The following LGR5 variants were observed in gnomAD, a reference collection of about 807,000 sequenced individuals.
LGR5 encodes leucine rich repeat containing G protein-coupled receptor 5, also known as leucine-rich repeat-containing G protein-coupled receptor 5.
LGR5 carries 54 observed loss-of-function variants against 76.7 expected under a neutral mutation model. The ratio of observed to expected loss-of-function variants is 0.70; its 90% CI spans 0.57 to 0.88. LGR5 has a LOEUF of 0.88. Among genes scored for constraint, LGR5 ranks in the 40% least tolerant of loss-of-function variants. The pLI is 0.00. For missense variants in LGR5, 1,078 were observed against 1,073.3 expected (o/e 1.00, Z -0.06); for synonymous variants, 406 against 421.9 (o/e 0.96, Z 0.46).
chr12:71,451,739 T>C (rs1375173368), intron 1 of LGR5, among the ~76,000 whole-genome samples: 1 of 152,200 alleles, frequency 6.6e-6, no homozygotes, highest in Admixed American at 6.5e-5. Context: ...TCTTGTATAT[T>C]GACCATGTTT....
At chr12:71,552,367 C>A (rs1317684346) in intron 4 of LGR5, among the ~76,000 whole-genome samples, 1 of 152,076 alleles carries the variant, frequency 6.6e-6, no homozygotes, top group Non-Finnish European at 1.5e-5. Context: ...GAGTTCGAGA[C>A]CAACCTGGCC....
chr12:71,476,528 G>T (rs193271767), intron 1 of LGR5, among the ~76,000 whole-genome samples: 1 of 152,320 alleles, frequency 6.6e-6, no homozygotes, highest in East Asian at 1.9e-4. Context: ...AGTGGTACCA[G>T]TGGAGCCCTG....
intron 2 of LGR5, among the ~76,000 whole-genome samples, chr12:71,522,606 G>T (rs1253991825): frequency 6.6e-6 from 1 of 151,880 alleles, no homozygotes; most frequent in Admixed American, 6.6e-5. Flanking sequence ...TCTGCTGTTT[G>T]TCTACTCTAT....
In LGR5 at chr12:71,481,505, A is replaced by G. The variant is rs750987921; in HGVS notation, c.213-23109A>G. Among the ~76,000 whole-genome samples, 5 of 152,202 alleles carry G rather than the reference A, an allele frequency of 3.3e-5. No homozygotes were observed. The South Asian group carries it at 1.0e-3, about 32-fold the overall frequency. ...TTTATTCAGTCTATCATTGATGGGC[A>G]TGTGGGTTGGTTCCAAGTCTTTGTT... On this transcript the variant is annotated intron_variant, in intron 1 of 17. Coordinates refer to ENST00000266674, the MANE Select transcript of LGR5 (RefSeq NM_003667.4).
chr12:71,541,596 A>T (rs1197554037), intron 4 of LGR5, among the ~76,000 whole-genome samples: 3 of 152,368 alleles, frequency 2.0e-5, no homozygotes, highest in South Asian at 4.1e-4. Flanking sequence ...TATTGCAAAG[A>T]CAAAATCAGA....
Position 71,566,395 on chromosome 12 carries a change from T to G in LGR5, c.858-9T>G, listed in dbSNP as rs774838206. On this transcript the variant is annotated splice_polypyrimidine_tract_variant and intron_variant, in intron 8 of 17. Transcript: ENST00000266674. ...CTAAGATATTAATTGCTGTTTGGGT[T>G]TCTTTTAGACATTTCTATGACAATC... 6.4e-7 allele frequency: 1 copy of G among 1,570,628 alleles called. No individual in the cohort carries two copies. Among genetic ancestry groups the G allele is most frequent in the Non-Finnish European group, 8.7e-7 (1 of 1,144,626 alleles).
At chr12:71,512,789 A>G (rs1223520284) in intron 2 of LGR5, among the ~76,000 whole-genome samples, 1 of 152,206 alleles carries the variant, frequency 6.6e-6, no homozygotes, top group Non-Finnish European at 1.5e-5. Flanking sequence ...CCAGTTCTGG[A>G]TATACTAAGT....
chr12:71,584,965 T>G lies in LGR5; in HGVS notation c.*231T>G, dbSNP rs1879261303. The stretch of plus-strand genomic sequence containing the variant: ...CAGCTAAGGGATAGATCGATCACAC[T>G]ATTTAAGTGAGCCCAGATCAAAAAA... On this transcript the variant is annotated 3_prime_UTR_variant, in exon 18 of 18. Transcript: ENST00000266674. 8 of 474,452 alleles carry G rather than the reference T, an allele frequency of 1.7e-5. No homozygotes were observed. The highest frequency in any genetic ancestry group is 1.3e-4 in the South Asian group (3 of 22,834). 29.4% of individuals were successfully genotyped at this position (474,452 alleles called of 1,614,324 possible). A position where few individuals can be genotyped will look rare whatever the true frequency, so the allele number is the denominator to read the frequency against.
At chr12:71,492,598 A>G (rs1874122474) in intron 1 of LGR5, among the ~76,000 whole-genome samples, 1 of 152,222 alleles carries the variant, frequency 6.6e-6, no homozygotes, top group South Asian at 2.1e-4. Context: ...GTAACTTACC[A>G]GAGAATCCCT....
Position 71,556,660 on chromosome 12 carries a change from G to T in LGR5, c.686G>T (p.Cys229Phe), listed in dbSNP as rs754635195. 6 of 1,612,438 alleles carry T rather than the reference G, an allele frequency of 3.7e-6. No homozygotes were observed. Among genetic ancestry groups the T allele is most frequent in the Non-Finnish European group, 3.4e-6 (4 of 1,178,522 alleles). The change falls in exon 6 of 18, where the codon TGC becomes TTC. Residue 229 changes from cysteine to phenylalanine, a missense_variant. Cys to Phe is a radical substitution (Grantham distance 205, BLOSUM62 -2). Transcript: ENST00000266674. Reference sequence around the variant, plus strand: ...AGAATCCACTCCCTGGGAAAGAAATGCTTTGATGGGCTCCACAGCCTAGAG... The same window carrying T: ...AGAATCCACTCCCTGGGAAAGAAATTCTTTGATGGGCTCCACAGCCTAGAG... ...NNRIHSLGKK[C>F]FDGLHSLETL...
At chr12:71,522,842 T>C (rs1837178454) in intron 2 of LGR5, among the ~76,000 whole-genome samples, 1 of 152,168 alleles carries the variant, frequency 6.6e-6, no homozygotes, top group East Asian at 1.9e-4. Flanking sequence ...AAGAAGACAT[T>C]TTATCTTAAC....
chr12:71,546,912 C>T (rs1192584381), intron 4 of LGR5, among the ~76,000 whole-genome samples: 1 of 152,128 alleles, frequency 6.6e-6, no homozygotes, highest in South Asian at 2.1e-4. Context: ...TATTGAGGCC[C>T]CTCAGGGTGA....
chr12:71,572,926 G>T lies in LGR5; in HGVS notation c.1208+5G>T, dbSNP rs754322655. 6.2e-7 allele frequency: 1 copy of T among 1,609,458 alleles called. No individual in the cohort carries two copies. On this transcript the variant is annotated splice_donor_5th_base_variant and intron_variant, in intron 13 of 17. Transcript: ENST00000266674. The stretch of plus-strand genomic sequence containing the variant: ...GTTGCTTAGCCTCCGATCGCTGTGA[G>T]TATCACCTCCCAGTGCGTTCCCCAG...
intron 8 of LGR5, 109 bp downstream of exon 8, chr12:71,561,961 C>A: frequency 1.5e-6 from 1 of 659,088 alleles, no homozygotes; most frequent in Non-Finnish European, 2.5e-6. Context: ...CTTAGTCAAT[C>A]TAAGAGTTCA....
chr12:71,450,407 A>T lies in LGR5; in HGVS notation c.212+10115A>T, dbSNP rs547306620. ...CTGCAGAGCAAAAAGGAACACTCAG[A>T]TTTAGTTTGAAGAATAATTAAGCAT... On this transcript the variant is annotated intron_variant, in intron 1 of 17. Coordinates refer to ENST00000266674, the MANE Select transcript of LGR5 (RefSeq NM_003667.4). Among the ~76,000 whole-genome samples, 198 of 152,326 alleles carry T rather than the reference A, an allele frequency of 1.3e-3. 1 individual carries two copies. The highest frequency in any genetic ancestry group is 2.1e-3 in the Non-Finnish European group (145 of 68,034).
chr12:71,558,582 T>C (rs765927588), intron 6 of LGR5, among the ~76,000 whole-genome samples: 1 of 152,232 alleles, frequency 6.6e-6, no homozygotes, highest in Non-Finnish European at 1.5e-5. Flanking sequence ...AGACATGCAT[T>C]TCCTGCCTGC....
At position 71,566,908 on chromosome 12, in the gene LGR5, G is replaced by C; in HGVS notation, c.1066G>C (p.Val356Leu). The stretch of plus-strand genomic sequence containing the variant: ...CTGCAATCAGTTACCTAATCTCCAA[G>C]TGCTGTGCGTATCAGTAAGGCAATA... Reference protein sequence around the residue: ...TVCNQLPNLQVLDLSYNLLED... With the variant: ...TVCNQLPNLQLLDLSYNLLED... The change falls in exon 11 of 18, where the codon GTG becomes CTG. Residue 356 changes from valine (V) to leucine (L), a missense_variant. Val to Leu is a conservative substitution (Grantham distance 32). Transcript: ENST00000266674. 6.2e-7 allele frequency: 1 copy of C among 1,610,184 alleles called. No homozygotes were observed. Among genetic ancestry groups the C allele is most frequent in the Non-Finnish European group, 8.5e-7 (1 of 1,176,400 alleles).
chr12:71,534,723 TGTACTTACTC>T (rs1168439141), intron 3 of LGR5, among the ~76,000 whole-genome samples: 1 of 152,204 alleles, frequency 6.6e-6, no homozygotes, highest in Admixed American at 6.5e-5. Flanking sequence ...CTCCAGCCCT[TGTACTTACTC>T]TTCTCTTTTC....
In LGR5 at chr12:71,509,219, TGTC is replaced by T. The variant is rs1875021571; in HGVS notation, c.284+4535_284+4537del. Among the ~76,000 whole-genome samples, 5 of 152,322 alleles carry T rather than the reference TGTC, an allele frequency of 3.3e-5. No homozygotes were observed. In the South Asian group the frequency reaches 1.0e-3, roughly 32 times the overall value. ...ACTAGGCCTCAGAGGAGAATGGTGCTGTCTGCCTTTTAAGGTGTTTCCAAGAAT... is the reference window on the plus strand; with the variant it reads ...ACTAGGCCTCAGAGGAGAATGGTGCTTGCCTTTTAAGGTGTTTCCAAGAAT... On this transcript the variant is annotated intron_variant, in intron 2 of 17. Coordinates refer to ENST00000266674, the MANE Select transcript of LGR5 (RefSeq NM_003667.4).
Sources: allele counts gnomAD v4.1 joint callset (sites outside exome capture counted in the v4.1 genomes callset), GRCh38; gene constraint gnomAD v4.1.1; transcripts MANE v1.5; gene names NCBI Gene and HGNC (gene_info 2026-07-23, HGNC 2026-07-21).